Variants in CNTN4 observed in about 807,000 individuals in gnomAD.
CNTN4 encodes the protein contactin 4.
CNTN4 carries 77 observed loss-of-function variants against 122.5 expected under a neutral mutation model. That is an observed-to-expected ratio of 0.63 (90% confidence interval 0.52 to 0.76). The LOEUF is 0.76. CNTN4 is among the 30% of genes least tolerant of loss of function. The pLI, the probability that CNTN4 is intolerant of heterozygous loss-of-function variation, is 0.00. For missense variants in CNTN4, 1,256 were observed against 1,259.1 expected (o/e 1.00, Z 0.04); for synonymous variants, 512 against 447.0 (o/e 1.15, Z -1.83).
At chr3:2,481,684 A>G (rs773644890) in intron 3 of CNTN4, among the ~76,000 whole-genome samples, 3 of 152,088 alleles carry the variant, frequency 2.0e-5, no homozygotes, top group African/African-American at 4.8e-5. Context: ...TAATCACATA[A>G]TCCCTATGTG....
intron 2 of CNTN4, among the ~76,000 whole-genome samples, chr3:2,246,479 A>C (rs377733926): frequency 6.6e-6 from 1 of 152,004 alleles, no homozygotes; most frequent in East Asian, 1.9e-4. Flanking sequence ...TTCCATAGAT[A>C]GTTACTTTCA....
chr3:2,988,133 A>T (rs1355352042), intron 13 of CNTN4, among the ~76,000 whole-genome samples: 1 of 152,190 alleles, frequency 6.6e-6, no homozygotes, highest in East Asian at 1.9e-4. Flanking sequence ...TTTTAGCAAG[A>T]AAAGAATTAA....
intron 7 of CNTN4, among the ~76,000 whole-genome samples, chr3:2,835,421 C>G (rs2093204548): frequency 6.6e-6 from 1 of 152,024 alleles, no homozygotes; most frequent in African/African-American, 2.4e-5. Context: ...TAATGATTGG[C>G]CTTTCTTAAT....
chr3:2,166,294 T>G (rs1441357581), intron 2 of CNTN4, among the ~76,000 whole-genome samples: 2 of 152,100 alleles, frequency 1.3e-5, no homozygotes, highest in Non-Finnish European at 2.9e-5. Context: ...TGTTAGGATT[T>G]TTTTTGGTTA....
At chr3:2,981,161 T>C (rs900174946) in intron 13 of CNTN4, among the ~76,000 whole-genome samples, 5 of 152,152 alleles carry the variant, frequency 3.3e-5, no homozygotes, top group Non-Finnish European at 7.4e-5. Context: ...AAGGAAAACC[T>C]GGGCCGGGCG....
chr3:2,816,682 G>C (rs868213359), intron 6 of CNTN4, among the ~76,000 whole-genome samples: 12 of 151,510 alleles, frequency 7.9e-5, no homozygotes, highest in African/African-American at 2.7e-4. Context: ...TTAGCTGGGC[G>C]TGGTGGTGCA....
intron 6 of CNTN4, among the ~76,000 whole-genome samples, chr3:2,817,672 T>C (rs1245159433): frequency 6.6e-6 from 1 of 152,236 alleles, no homozygotes; most frequent in African/African-American, 2.4e-5. Context: ...TTTACCTAGA[T>C]GATACGTGAT....
At chr3:2,395,550 G>A (rs930355616) in intron 3 of CNTN4, among the ~76,000 whole-genome samples, 1 of 152,102 alleles carries the variant, frequency 6.6e-6, no homozygotes, top group African/African-American at 2.4e-5. Flanking sequence ...CATCACCCAC[G>A]CAGTGAGCAT....
chr3:2,103,845 G>A (rs1334820766), intron 2 of CNTN4, among the ~76,000 whole-genome samples: 1 of 152,120 alleles, frequency 6.6e-6, no homozygotes, highest in East Asian at 1.9e-4. Context: ...TAGAGAATCT[G>A]CCTCATCTTA....
chr3:2,462,770 A>G (rs2151441915), intron 3 of CNTN4, among the ~76,000 whole-genome samples: 1 of 152,324 alleles, frequency 6.6e-6, no homozygotes, highest in Non-Finnish European at 1.5e-5. Flanking sequence ...TTGGTTACTT[A>G]CTGGCTAATC....
intron 4 of CNTN4, among the ~76,000 whole-genome samples, chr3:2,635,414 T>A (rs1576301423): frequency 6.6e-6 from 1 of 152,220 alleles, no homozygotes; most frequent in East Asian, 1.9e-4. Context: ...TAACTGTAAT[T>A]TGAAAGTGAA....
intron 3 of CNTN4, among the ~76,000 whole-genome samples, chr3:2,372,066 T>C (rs996726845): frequency 1.3e-5 from 2 of 152,242 alleles, no homozygotes; most frequent in African/African-American, 4.8e-5. Flanking sequence ...AATGATGATA[T>C]AAGCTCTGGT....
Position 2,368,118 on chromosome 3 carries a change from T to C in CNTN4, c.-89+28885T>C, listed in dbSNP as rs866395181. 1.2e-3 allele frequency among the ~76,000 whole-genome samples: 182 copies of C among 149,066 alleles called. 1 individual carries two copies. The highest frequency in any genetic ancestry group is 2.9e-3 in the African/African-American group (115 of 40,306). ...CGCGATCTCGGCTCACTGCAAGCTC[T>C]GCCTCCTGGGTTCATGCCATTCTCC... On this transcript the variant is annotated intron_variant, in intron 3 of 24. Transcript: ENST00000418658.
chr3:2,557,279 C>T (rs1559231812), intron 3 of CNTN4, among the ~76,000 whole-genome samples: 2 of 152,192 alleles, frequency 1.3e-5, no homozygotes, highest in Non-Finnish European at 1.5e-5. Context: ...GCAGTGTTAA[C>T]AGTTATTCCC....
intron 3 of CNTN4, among the ~76,000 whole-genome samples, chr3:2,430,018 G>A (rs565420098): frequency 3.9e-5 from 6 of 152,252 alleles, no homozygotes; most frequent in East Asian, 3.9e-4. Flanking sequence ...TGCGCTTCCC[G>A]GGTGAGGTGA....
intron 14 of CNTN4, among the ~76,000 whole-genome samples, chr3:2,998,857 C>G (rs1440362640): frequency 6.6e-6 from 1 of 152,148 alleles, no homozygotes; most frequent in Non-Finnish European, 1.5e-5. Context: ...TGAACTGTAG[C>G]TAAGTGACAT....
chr3:2,670,988 G>A (rs905128037), intron 4 of CNTN4, among the ~76,000 whole-genome samples: 1 of 152,160 alleles, frequency 6.6e-6, no homozygotes, highest in Non-Finnish European at 1.5e-5. Flanking sequence ...GCTTCCCTTT[G>A]TGGGTAACCC....
intron 6 of CNTN4, among the ~76,000 whole-genome samples, chr3:2,766,705 C>T (rs564647114): frequency 2.0e-5 from 3 of 152,094 alleles, no homozygotes; most frequent in African/African-American, 7.2e-5. Flanking sequence ...AGAACTTACT[C>T]ATGTAACCAA....
At chr3:2,605,396 T>C (rs1244552133) in intron 4 of CNTN4, among the ~76,000 whole-genome samples, 3 of 152,164 alleles carry the variant, frequency 2.0e-5, no homozygotes, top group Non-Finnish European at 4.4e-5. Flanking sequence ...TGGCAGATCA[T>C]GCAGGGAGAG....
Sources: gnomAD v4.1 joint callset for allele counts (sites outside exome capture counted in the v4.1 genomes callset) on GRCh38, gnomAD v4.1.1 for gene constraint, MANE v1.5 for transcripts, NCBI Gene and HGNC (gene_info 2026-07-23, HGNC 2026-07-21) for gene names.